The following SLA variants were observed in gnomAD, a reference collection of about 807,000 sequenced individuals.
The protein encoded by SLA is Src like adaptor.
Under a neutral mutation model 30.3 loss-of-function variants are expected in SLA, and 16 were observed. That is an observed-to-expected ratio of 0.53 (90% CI 0.36 to 0.80). The LOEUF is 0.80. SLA is among the 30% of genes least tolerant of loss of function. SLA has a pLI of 0.01. For missense variants in SLA, 310 were observed against 345.2 expected (o/e 0.90, Z 0.81); for synonymous variants, 143 against 137.8 (o/e 1.04, Z -0.26).
chr8:133,055,498 G>A (rs993386742), intron 3 of SLA, among the ~76,000 whole-genome samples: 8 of 152,050 alleles, frequency 5.3e-5, no homozygotes, highest in African/African-American at 1.9e-4. Context: ...CATGAACCAG[G>A]CTTGTGAGCC....
intron 2 of SLA, among the ~76,000 whole-genome samples, chr8:133,061,289 A>G (rs1338675652): frequency 6.6e-6 from 1 of 152,200 alleles, no homozygotes; most frequent in Non-Finnish European, 1.5e-5. Context: ...GATTACAAGC[A>G]TAAGCCTCCA....
At chr8:133,076,892 T>G (rs1374658919) in intron 1 of SLA, 1 of 151,912 alleles carries the variant, frequency 6.6e-6, no homozygotes, top group Non-Finnish European at 1.5e-5. Flanking sequence ...GAAAGAACAT[T>G]ATGGGGTGGC....
At position 133,037,736 on chromosome 8, in the gene SLA, A is replaced by C. The variant is rs1242957416; in HGVS notation, c.*788T>G. 1 of 152,146 alleles carries C rather than the reference A, an allele frequency of 6.6e-6. No homozygotes were observed. Among genetic ancestry groups the C allele is most frequent in the African/African-American group, 2.4e-5 (1 of 41,408 alleles). The allele number at this position is 152,146 out of a possible 1,614,324, so 9.4% of individuals were successfully genotyped here. On this transcript the variant is annotated 3_prime_UTR_variant, in exon 9 of 9. Transcript: ENST00000338087. Reference sequence around the variant, plus strand: ...TACTTGATGCATTCATACAGGCAAGAATCCCAGCATCCCAGAGAAGCTCTG... The same window carrying C: ...TACTTGATGCATTCATACAGGCAAGCATCCCAGCATCCCAGAGAAGCTCTG...
intron 1 of SLA, among the ~76,000 whole-genome samples, chr8:133,077,910 T>G (rs749245467): frequency 1.2e-4 from 18 of 151,794 alleles, no homozygotes; most frequent in Non-Finnish European, 2.1e-4. Flanking sequence ...TCCCAGAAAT[T>G]GTCAAATGTG....
chr8:133,093,680 G>A (rs963206330), intron 1 of SLA, among the ~76,000 whole-genome samples: 1 of 152,122 alleles, frequency 6.6e-6, no homozygotes, highest in African/African-American at 2.4e-5. Context: ...TCTGACCCTA[G>A]CCACATGTCC....
At chr8:133,066,656 G>A (rs921957667) in intron 2 of SLA, among the ~76,000 whole-genome samples, 13 of 152,220 alleles carry the variant, frequency 8.5e-5, no homozygotes, top group African/African-American at 2.2e-4. Context: ...AAGCAGGCAG[G>A]CCTGAGTGCA....
intron 3 of SLA, 30 bp downstream of exon 3, chr8:133,060,070 C>A (rs768279465): frequency 6.4e-7 from 1 of 1,558,590 alleles, no homozygotes; most frequent in South Asian, 1.2e-5. Context: ...AGCACAGACT[C>A]AAGCATCTCA....
chr8:133,069,387 C>T (rs1843603549), intron 2 of SLA, among the ~76,000 whole-genome samples: 1 of 152,226 alleles, frequency 6.6e-6, no homozygotes, highest in Non-Finnish European at 1.5e-5. Flanking sequence ...TGTCCAGGGA[C>T]ATGGACCCCA....
At chr8:133,055,824 C>CCAGCAGCAGCAGCAGCAGCAGCAG in intron 3 of SLA, among the ~76,000 whole-genome samples, 1 of 150,884 alleles carries the variant, frequency 6.6e-6, no homozygotes, top group South Asian at 2.1e-4. Context: ...CTCCTCATCA[C>CCAGCAGCAGCAGCAGCAGCAGCAG]CAGCAGCAGC....
At chr8:133,091,830 G>A (rs1461205504) in intron 1 of SLA, among the ~76,000 whole-genome samples, 5 of 151,958 alleles carry the variant, frequency 3.3e-5, no homozygotes, top group Non-Finnish European at 7.4e-5. Flanking sequence ...ATGCCTGTGA[G>A]TTTTATGTGA....
Position 133,045,090 on chromosome 8 carries a change from G to A in SLA, c.378C>T (p.His126=), listed in dbSNP as rs1199626132. ...KKGFYSLSVR[H]RQVKHYRIFR... is the part of the protein sequence containing the mutation. Reference sequence around the variant, plus strand: ...AAATGCGGTAATGCTTTACCTGCCTGTGTCTCACCGACAGTGAGTAAAACC... The same window carrying A: ...AAATGCGGTAATGCTTTACCTGCCTATGTCTCACCGACAGTGAGTAAAACC... The change falls in exon 7 of 9, where the codon CAC becomes CAT. Residue 126 remains histidine, a synonymous_variant. Coordinates refer to ENST00000338087, the MANE Select transcript of SLA (RefSeq NM_001045556.3). 1 of 1,614,194 alleles carries A rather than the reference G, an allele frequency of 6.2e-7. No homozygotes were observed. The highest frequency in any genetic ancestry group is 1.3e-5 in the African/African-American group (1 of 75,044).
intron 1 of SLA, among the ~76,000 whole-genome samples, chr8:133,098,320 T>A (rs1259377844): frequency 6.6e-6 from 1 of 152,222 alleles, no homozygotes; most frequent in Non-Finnish European, 1.5e-5. Context: ...CCCTGAATTA[T>A]TATAAACCCT....
chr8:133,087,330 G>A (rs1846751103), intron 1 of SLA, among the ~76,000 whole-genome samples: 1 of 152,162 alleles, frequency 6.6e-6, no homozygotes, highest in Non-Finnish European at 1.5e-5. Context: ...GTATATGACA[G>A]CCTTTTTCTA....
intron 3 of SLA, among the ~76,000 whole-genome samples, chr8:133,053,785 G>A (rs1209828458): frequency 6.6e-6 from 1 of 152,194 alleles, no homozygotes; most frequent in Admixed American, 6.5e-5. Context: ...TAGAGTGTTG[G>A]AGAGTTTCAA....
rs575867795 is a variant in SLA, at chr8:133,102,484, C to T, written c.-319+69G>A. The T allele has an allele frequency of 6.6e-4, 948 of 1,428,442 alleles. 3 individuals carry two copies. Among genetic ancestry groups the T allele is most frequent in the Non-Finnish European group, 8.1e-4 (842 of 1,035,148 alleles). The allele number at this position is 1,428,442 out of a possible 1,614,324, so 88.5% of individuals were successfully genotyped here. On this transcript the variant is annotated intron_variant, in intron 1 of 8. Transcript: ENST00000338087. ...ATCAAGTCCCTCTGAAGACCCTCCC[C>T]CACATACCACCCCAGGCCACCTATG...
At chr8:133,053,057 C>A (rs1261134820) in intron 3 of SLA, among the ~76,000 whole-genome samples, 1 of 152,214 alleles carries the variant, frequency 6.6e-6, no homozygotes, top group South Asian at 2.1e-4. Context: ...TTGCCAGGCA[C>A]CCTGGTTCTC....
intron 3 of SLA, among the ~76,000 whole-genome samples, chr8:133,051,542 A>G (rs535404803): frequency 6.6e-6 from 1 of 152,290 alleles, no homozygotes; most frequent in Non-Finnish European, 1.5e-5. Flanking sequence ...CATCTATTTA[A>G]TAGGGACATT....
chr8:133,051,929 T>G (rs1453300584), intron 3 of SLA, among the ~76,000 whole-genome samples: 1 of 152,222 alleles, frequency 6.6e-6, no homozygotes, highest in African/African-American at 2.4e-5. Flanking sequence ...ACTGAGCACC[T>G]GTCGTAAGCA....
chr8:133,077,296 G>C (rs1368874294), intron 1 of SLA, among the ~76,000 whole-genome samples: 2 of 152,138 alleles, frequency 1.3e-5, no homozygotes, highest in Non-Finnish European at 1.5e-5. Context: ...CTGTTCAAGG[G>C]GTCCCGTTCA....
Sources: allele counts gnomAD v4.1 joint callset (sites outside exome capture counted in the v4.1 genomes callset), GRCh38; gene constraint gnomAD v4.1.1; transcripts MANE v1.5; gene names NCBI Gene and HGNC (gene_info 2026-07-23, HGNC 2026-07-21).